Variants in MAPK10 observed in about 807,000 individuals in gnomAD.
MAPK10 encodes JNK3 alpha protein kinase.
Under a neutral mutation model 59.3 loss-of-function variants are expected in MAPK10, and 25 were observed. The observed-to-expected ratio is 0.42, with a 90% CI of 0.31 to 0.59. MAPK10 has a LOEUF of 0.59. MAPK10 is among the 20% of genes least tolerant of loss of function. MAPK10 has a pLI of 0.15. For missense variants in MAPK10, 351 were observed against 568.9 expected, an observed-to-expected ratio of 0.62 and a Z score of 3.90; for synonymous variants, 190 against 200.5, an observed-to-expected ratio of 0.95 and a Z score of 0.44.
At chr4:86,576,059 A>C (rs774305177) in intron 1 of MAPK10, among the ~76,000 whole-genome samples, 1 of 151,416 alleles carries the variant, frequency 6.6e-6, no homozygotes, top group Non-Finnish European at 1.5e-5. Flanking sequence ...AGTGATGCTC[A>C]TAGCTCACTG....
intron 2 of MAPK10, chr4:86,219,710 T>G (rs907658640): frequency 8.6e-5 from 13 of 151,938 alleles, no homozygotes; most frequent in African/African-American, 3.2e-4. Context: ...CATAAATTAG[T>G]AGACAACTTT....
In MAPK10 at chr4:86,216,818, T is replaced by C. The variant is rs555807540; in HGVS notation, c.-6-22411A>G. Among the ~76,000 whole-genome samples the C allele has an allele frequency of 3.3e-5, 5 of 152,150 alleles. No individual in the cohort carries two copies. The South Asian group carries it at 1.0e-3, about 32-fold the overall frequency. ...TGTCCCCAATCTTTTAAAACAAATA[T>C]AGTTACAAATATAGTTTTAGAAAAT... is the stretch of plus-strand genomic sequence containing the variant. On this transcript the variant is annotated intron_variant, in intron 2 of 13. Coordinates refer to ENST00000641462, the MANE Select transcript of MAPK10 (RefSeq NM_138982.4).
intron 3 of MAPK10, among the ~76,000 whole-genome samples, chr4:86,179,342 G>C (rs927115171): frequency 6.6e-6 from 1 of 151,916 alleles, no homozygotes; most frequent in African/African-American, 2.4e-5. Context: ...ATAAAACACC[G>C]ATGAAAGAAA....
intron 1 of MAPK10, among the ~76,000 whole-genome samples, chr4:86,401,194 A>C (rs1351706296): frequency 2.6e-5 from 4 of 152,164 alleles, no homozygotes; most frequent in Non-Finnish European, 4.4e-5. Flanking sequence ...AAAATGCTGA[A>C]GTGTCCAAGG....
chr4:86,356,762 C>G (rs1178586239), intron 1 of MAPK10: 1 of 152,200 alleles, frequency 6.6e-6, no homozygotes, highest in African/African-American at 2.4e-5. Context: ...TACAGTGTCT[C>G]ATCTCAGGCT....
At chr4:86,264,978 G>A (rs1333985343) in intron 2 of MAPK10, among the ~76,000 whole-genome samples, 4 of 134,982 alleles carry the variant, frequency 3.0e-5, no homozygotes, top group African/African-American at 1.1e-4. Context: ...TGCAACCTCC[G>A]CCTCCCGGGT....
At chr4:86,378,977 G>A (rs905215689) in intron 1 of MAPK10, among the ~76,000 whole-genome samples, 14 of 152,186 alleles carry the variant, frequency 9.2e-5, no homozygotes, top group African/African-American at 2.4e-4. Context: ...AGGAAGTGGC[G>A]GCATATGCTC....
chr4:86,141,790 T>G (rs569280494), intron 4 of MAPK10, among the ~76,000 whole-genome samples: 4 of 152,356 alleles, frequency 2.6e-5, no homozygotes, highest in African/African-American at 9.6e-5. Flanking sequence ...AGTCCTATCT[T>G]AGTCCATTTT....
chr4:86,474,679 A>G (rs1752923208), intron 1 of MAPK10, among the ~76,000 whole-genome samples: 1 of 152,222 alleles, frequency 6.6e-6, no homozygotes, highest in Non-Finnish European at 1.5e-5. Flanking sequence ...AATGAGCTGA[A>G]GGAAAAGTAC....
chr4:86,491,433 C>G (rs1028714140), intron 1 of MAPK10, among the ~76,000 whole-genome samples: 1 of 152,180 alleles, frequency 6.6e-6, no homozygotes, highest in Non-Finnish European at 1.5e-5. Flanking sequence ...CTCATGACCC[C>G]AACCCCAGTT....
chr4:86,503,431 C>T (rs1003766391), intron 1 of MAPK10, among the ~76,000 whole-genome samples: 3 of 152,060 alleles, frequency 2.0e-5, no homozygotes, highest in African/African-American at 7.2e-5. Context: ...TCTGTGGGTA[C>T]CAACTGATAA....
At chr4:86,548,815 A>G (rs903032581) in intron 1 of MAPK10, among the ~76,000 whole-genome samples, 1 of 152,226 alleles carries the variant, frequency 6.6e-6, no homozygotes, top group Non-Finnish European at 1.5e-5. Context: ...CACTATGAAC[A>G]ATAAGACAGC....
chr4:86,132,938 A>C (rs746719740), intron 4 of MAPK10, among the ~76,000 whole-genome samples: 1 of 152,222 alleles, frequency 6.6e-6, no homozygotes, highest in Non-Finnish European at 1.5e-5. Flanking sequence ...ATAGAAATAA[A>C]GTGCACAATA....
At chr4:86,345,723 T>C (rs919161809) in intron 2 of MAPK10, among the ~76,000 whole-genome samples, 5 of 152,182 alleles carry the variant, frequency 3.3e-5, no homozygotes, top group Admixed American at 2.6e-4. Flanking sequence ...TCCCTCTCCA[T>C]ATAAAAATCT....
intron 1 of MAPK10, among the ~76,000 whole-genome samples, chr4:86,402,801 C>G (rs1053487901): frequency 6.6e-6 from 1 of 152,112 alleles, no homozygotes; most frequent in Admixed American, 6.5e-5. Flanking sequence ...TAAAGTTGGT[C>G]CAGATATCCC....
chr4:86,046,231 G>A (rs1039128580), intron 11 of MAPK10, among the ~76,000 whole-genome samples: 1 of 151,522 alleles, frequency 6.6e-6, no homozygotes, highest in Non-Finnish European at 1.5e-5. Context: ...TTCTAAATAT[G>A]CAATCATGTC....
intron 9 of MAPK10, among the ~76,000 whole-genome samples, chr4:86,076,051 G>A (rs1055706786): frequency 9.2e-5 from 14 of 152,184 alleles, no homozygotes; most frequent in African/African-American, 3.4e-4. Flanking sequence ...GCGAGATTCC[G>A]TGGGCGTAGG....
intron 1 of MAPK10, among the ~76,000 whole-genome samples, chr4:86,414,913 C>A (rs1477187183): frequency 6.6e-6 from 1 of 151,960 alleles, no homozygotes; most frequent in Non-Finnish European, 1.5e-5. Context: ...CATTGCATTC[C>A]ACCCTCTGAG....
At chr4:86,365,806 T>C (rs1737782782) in intron 1 of MAPK10, among the ~76,000 whole-genome samples, 1 of 152,206 alleles carries the variant, frequency 6.6e-6, no homozygotes, top group African/African-American at 2.4e-5. Context: ...CTGTATGTAA[T>C]ATAGAAGTCT....
Sources: gnomAD v4.1 joint callset for allele counts (sites outside exome capture counted in the v4.1 genomes callset) on GRCh38, gnomAD v4.1.1 for gene constraint, MANE v1.5 for transcripts, NCBI Gene and HGNC (gene_info 2026-07-23, HGNC 2026-07-21) for gene names.